Variants in ANKRD2 observed in about 807,000 individuals in gnomAD.
The protein encoded by ANKRD2 is ankyrin repeat domain-containing protein 2.
ANKRD2 carries 35 observed loss-of-function variants against 37.3 expected under a neutral mutation model. That is an observed-to-expected ratio of 0.94 (90% CI 0.72 to 1.24). ANKRD2 has a LOEUF of 1.24. ANKRD2 is among the 50% of genes most tolerant of loss of function. The probability of loss-of-function intolerance (pLI) is 0.00; values close to 1 mark genes in which losing one functional copy is unlikely to be tolerated. For synonymous variants in ANKRD2, 159 were observed against 186.5 expected, an observed-to-expected ratio of 0.85 and a Z score of 1.20; for missense variants, 410 against 445.6, an observed-to-expected ratio of 0.92 and a Z score of 0.72.
intron 6 of ANKRD2, among the ~76,000 whole-genome samples, chr10:97,581,945 A>C (rs2040903292): frequency 6.6e-6 from 1 of 152,210 alleles, no homozygotes; most frequent in East Asian, 1.9e-4. Context: ...TTAGGTGGGA[A>C]AACATGTGTA....
chr10:97,573,372 G>A (rs1214553746), intron 1 of ANKRD2, among the ~76,000 whole-genome samples: 2 of 152,146 alleles, frequency 1.3e-5, no homozygotes, highest in East Asian at 3.9e-4. Flanking sequence ...CTGGGCAATT[G>A]CATTTTCTCT....
chr10:97,583,493 T>G, intron 8 of ANKRD2, 83 bp from the exon 9 acceptor site: 50 of 1,345,512 alleles, frequency 3.7e-5, no homozygotes, highest in Non-Finnish European at 4.5e-5. Flanking sequence ...GTGGTGTCAA[T>G]GAGGGTACCT....
Position 97,583,679 on chromosome 10 carries a change from C to A in ANKRD2, c.956C>A (p.Pro319His). The change falls in exon 9 of 9, where the codon CCT becomes CAT. Residue 319 changes from proline to histidine, a missense_variant. Transcript: ENST00000370655. ...GCTGAGCATAACGGGCTGGAGGGGC[C>A]TAATGATAGTGGGCGAGAGACCCCT... is the stretch of plus-strand genomic sequence containing the variant. ...PGAEHNGLEG[P>H]NDSGRETPQP... 6.3e-7 allele frequency: 1 copy of A among 1,599,966 alleles called. No individual in the cohort carries two copies. Among genetic ancestry groups the A allele is most frequent in the Non-Finnish European group, 8.5e-7 (1 of 1,173,944 alleles).
intron 8 of ANKRD2, 79 bp downstream of exon 8, chr10:97,582,781 GC>G: frequency 7.5e-7 from 1 of 1,335,130 alleles, no homozygotes; most frequent in Non-Finnish European, 1.1e-6. Flanking sequence ...CCCTGGAGCA[GC>G]CCCCGCCTAG....
intron 4 of ANKRD2, among the ~76,000 whole-genome samples, chr10:97,578,924 C>T (rs981532435): frequency 1.3e-5 from 2 of 152,160 alleles, no homozygotes; most frequent in African/African-American, 2.4e-5. Context: ...CTCTCACTCA[C>T]GAGTTGTGGG....
intron 4 of ANKRD2, among the ~76,000 whole-genome samples, chr10:97,578,844 A>G (rs748241525): frequency 6.6e-6 from 1 of 152,228 alleles, no homozygotes; most frequent in Non-Finnish European, 1.5e-5. Flanking sequence ...ATGTTTGTTT[A>G]GGAAAGAAAG....
chr10:97,578,181 C>G, intron 2 of ANKRD2, 59 bp from the exon 3 acceptor site: 1 of 592,070 alleles, frequency 1.7e-6, no homozygotes, highest in South Asian at 1.5e-5. Flanking sequence ...GCTCAGAGGT[C>G]TCCCAAGCCC....
rs545029249 is a variant in ANKRD2, at chr10:97,581,373, C to T, written c.613C>T (p.Leu205Phe). Reference protein sequence around the residue: ...CRGGHLEVVKLLQSHGADTNV... With the variant: ...CRGGHLEVVKFLQSHGADTNV... ...CGGGGGCCACTTAGAGGTGGTGAAA[C>T]TTCTGCAAAGCCATGGAGCAGACAC... is the stretch of plus-strand genomic sequence containing the variant. The change falls in exon 6 of 9, where the codon CTT becomes TTT. Residue 205 changes from leucine to phenylalanine, a missense_variant. By Grantham distance (22) the Leu-to-Phe change is conservative. Transcript: ENST00000370655. 1.2e-6 allele frequency: 2 copies of T among 1,614,160 alleles called. No individual in the cohort carries two copies. The highest frequency in any genetic ancestry group is 4.5e-5 in the East Asian group (2 of 44,886).
rs1460164946 is a variant in ANKRD2 at position 97,572,844 on chromosome 10, A to G, written c.56A>G (p.Glu19Gly). 1 of 1,557,820 alleles carries G rather than the reference A, an allele frequency of 6.4e-7. No homozygotes were observed. The highest frequency in any genetic ancestry group is 8.7e-7 in the Non-Finnish European group (1 of 1,150,880). The change falls in exon 1 of 9, where the codon GAG becomes GGG. Residue 19 changes from glutamate to glycine, a missense_variant. Glu to Gly is a moderately conservative substitution (Grantham distance 98, BLOSUM62 -2). Coordinates refer to ENST00000370655, the MANE Select transcript of ANKRD2 (RefSeq NM_001346793.2). ...EAVQRATALI[E>G]QRLAQEEENE... Reference sequence around the variant, plus strand: ...GTGCAGAGGGCCACAGCGCTCATCGAGCAGCGGCTGGCACAGGAGGAGGAG... The same window carrying G: ...GTGCAGAGGGCCACAGCGCTCATCGGGCAGCGGCTGGCACAGGAGGAGGAG...
intron 4 of ANKRD2, among the ~76,000 whole-genome samples, chr10:97,579,964 C>G (rs1406958507): frequency 6.6e-6 from 1 of 152,136 alleles, no homozygotes; most frequent in African/African-American, 2.4e-5. Flanking sequence ...CTGAAACTGC[C>G]TCTTTCACAC....
chr10:97,576,839 GGTGC>G (rs2040832557), intron 1 of ANKRD2, among the ~76,000 whole-genome samples: 1 of 151,360 alleles, frequency 6.6e-6, no homozygotes, highest in Admixed American at 6.6e-5. Flanking sequence ...TGGGACTACA[GGTGC>G]GTGCCAACAC....
intron 1 of ANKRD2, among the ~76,000 whole-genome samples, chr10:97,573,342 G>T (rs745349279): frequency 2.2e-4 from 34 of 152,210 alleles, no homozygotes; most frequent in Non-Finnish European, 3.7e-4. Flanking sequence ...CCCTTGGGGA[G>T]TCCTTTGGCG....
intron 1 of ANKRD2, among the ~76,000 whole-genome samples, chr10:97,573,454 G>T (rs1286680303): frequency 1.3e-5 from 2 of 151,958 alleles, no homozygotes; most frequent in African/African-American, 4.8e-5. Context: ...TTGAGACGGG[G>T]TCTCCCTCTG....
chr10:97,578,599 C>T lies in ANKRD2; in HGVS notation c.450C>T (p.Cys150=). 6.4e-7 allele frequency: 1 copy of T among 1,554,584 alleles called. No homozygotes were observed. Among genetic ancestry groups the T allele is most frequent in the Non-Finnish European group, 8.7e-7 (1 of 1,148,710 alleles). The change falls in exon 4 of 9, where the codon TGC becomes TGT. Residue 150 remains cysteine, a synonymous_variant. Transcript: ENST00000370655. ...FLADGGSADT[C]DQFRRTALHR... ...CTGACGGGGGGTCAGCCGACACGTG[C>T]GACCAGGTGATGCTCCTAGCCGCCC...
In ANKRD2 at chr10:97,578,616, T is replaced by A; in HGVS notation, c.456+11T>A. The A allele has an allele frequency of 6.5e-7, 1 of 1,542,300 alleles. No individual in the cohort carries two copies. The highest frequency in any genetic ancestry group is 8.8e-7 in the Non-Finnish European group (1 of 1,140,940). ...GACACGTGCGACCAGGTGATGCTCC[T>A]AGCCGCCCCTGACCAGCCTCCCTGT... On this transcript the variant is annotated intron_variant, in intron 4 of 8. Coordinates refer to ENST00000370655, the MANE Select transcript of ANKRD2 (RefSeq NM_001346793.2).
chr10:97,574,045 G>C (rs2040792456), intron 1 of ANKRD2, among the ~76,000 whole-genome samples: 1 of 151,898 alleles, frequency 6.6e-6, no homozygotes. Context: ...TTTGAGATCT[G>C]AGATCCGAGG....
chr10:97,572,673 G>C (rs376730113), upstream of ANKRD2: 42 of 1,578,252 alleles, frequency 2.7e-5, no homozygotes, highest in African/African-American at 1.5e-4. Flanking sequence ...GGTGACAGGT[G>C]GGGGAGGCAG....
At chr10:97,572,934 G>A in intron 1 of ANKRD2, 59 bp downstream of exon 1, 1 of 1,519,238 alleles carries the variant, frequency 6.6e-7, no homozygotes, top group Non-Finnish European at 8.9e-7. Flanking sequence ...CTGCTGTCAA[G>A]GGGAGGGAGA....
chr10:97,577,131 G>C (rs2040836221), intron 1 of ANKRD2, among the ~76,000 whole-genome samples: 3 of 151,818 alleles, frequency 2.0e-5, no homozygotes, highest in Admixed American at 6.6e-5. Context: ...AGTCTCCCAA[G>C]TAGCTGGCAC....
Sources: gnomAD v4.1 joint callset for allele counts (sites outside exome capture counted in the v4.1 genomes callset) on GRCh38, gnomAD v4.1.1 for gene constraint, MANE v1.5 for transcripts, NCBI Gene and HGNC (gene_info 2026-07-23, HGNC 2026-07-21) for gene names.